The following ROBO1 variants were observed in gnomAD, a reference collection of about 807,000 sequenced individuals.
ROBO1 encodes the protein roundabout homolog 1.
Under a neutral mutation model 195.9 loss-of-function variants are expected in ROBO1, and 149 were observed. That is an observed-to-expected ratio of 0.76 (90% confidence interval 0.67 to 0.87). The LOEUF is 0.87. Among genes scored for constraint, ROBO1 ranks in the 40% least tolerant of loss-of-function variants. The probability of loss-of-function intolerance (pLI) is 0.00; values close to 1 mark genes in which losing one functional copy is unlikely to be tolerated. For synonymous variants in ROBO1, 816 were observed against 733.2 expected, an observed-to-expected ratio of 1.11 and a Z score of -1.82; for missense variants, 1,933 against 2,068.3, an observed-to-expected ratio of 0.93 and a Z score of 1.27.
At chr3:78,895,884 C>G (rs1236757332) in intron 4 of ROBO1, among the ~76,000 whole-genome samples, 1 of 152,190 alleles carries the variant, frequency 6.6e-6, no homozygotes, top group South Asian at 2.1e-4. Flanking sequence ...AATTGGGACT[C>G]TCCTAGAAAA....
chr3:79,594,212 A>T (rs1457966836), intron 1 of ROBO1, among the ~76,000 whole-genome samples: 1 of 152,018 alleles, frequency 6.6e-6, no homozygotes, highest in African/African-American at 2.4e-5. Flanking sequence ...ACACCTTTTG[A>T]CATATTATCA....
chr3:79,666,735 A>G (rs1946486739), intron 1 of ROBO1, among the ~76,000 whole-genome samples: 1 of 151,888 alleles, frequency 6.6e-6, no homozygotes, highest in South Asian at 2.1e-4. Flanking sequence ...CTTTTTCTTT[A>G]TAAATTACCC....
intron 3 of ROBO1, among the ~76,000 whole-genome samples, chr3:79,027,982 A>G (rs1002663123): frequency 6.6e-6 from 1 of 152,028 alleles, no homozygotes; most frequent in African/African-American, 2.4e-5. Context: ...ATTTCTAAAT[A>G]TTACTTTTTA....
intron 2 of ROBO1, among the ~76,000 whole-genome samples, chr3:79,437,292 A>C (rs964840583): frequency 6.6e-6 from 1 of 152,028 alleles, no homozygotes; most frequent in Non-Finnish European, 1.5e-5. Context: ...GTTAATATGA[A>C]TATCAAGCTG....
In ROBO1 at chr3:78,959,595, T is replaced by C. The variant is rs2041232814; in HGVS notation, c.173-20668A>G. Among the ~76,000 whole-genome samples the C allele has an allele frequency of 2.0e-5, 3 of 152,180 alleles. No homozygotes were observed. In the South Asian group the frequency reaches 6.2e-4, roughly 31 times the overall value. The stretch of plus-strand genomic sequence containing the variant: ...ATTGTAGATAGAAGCCCAAAATTTA[T>C]AGCATTTATGGGCCTGTGATATAAG... On this transcript the variant is annotated intron_variant, in intron 3 of 30. Transcript: ENST00000464233.
intron 2 of ROBO1, among the ~76,000 whole-genome samples, chr3:79,394,876 A>G (rs1559868419): frequency 1.3e-5 from 2 of 152,224 alleles, no homozygotes; most frequent in Non-Finnish European, 2.9e-5. Context: ...ATGTTTTGAT[A>G]TACAAATTCT....
At chr3:78,797,646 ATG>A (rs1287025058) in intron 4 of ROBO1, among the ~76,000 whole-genome samples, 1 of 152,156 alleles carries the variant, frequency 6.6e-6, no homozygotes, top group African/African-American at 2.4e-5. Context: ...TTTTTCTTGT[ATG>A]TGTCGGGGAT....
intron 2 of ROBO1, among the ~76,000 whole-genome samples, chr3:79,432,382 G>A (rs1252314544): frequency 6.6e-6 from 1 of 151,994 alleles, no homozygotes; most frequent in Non-Finnish European, 1.5e-5. Flanking sequence ...TTGGTTAAAG[G>A]GGAGGGAATA....
chr3:79,731,757 A>T (rs1703156834), intron 1 of ROBO1, among the ~76,000 whole-genome samples: 1 of 152,228 alleles, frequency 6.6e-6, no homozygotes, highest in African/African-American at 2.4e-5. Flanking sequence ...TAGGAATTCT[A>T]ACCTCTGCCT....
intron 2 of ROBO1, among the ~76,000 whole-genome samples, chr3:79,299,036 T>C (rs1006461666): frequency 5.9e-5 from 9 of 152,162 alleles, no homozygotes; most frequent in African/African-American, 2.2e-4. Flanking sequence ...CAAACAAATA[T>C]AATAAATACA....
intron 2 of ROBO1, among the ~76,000 whole-genome samples, chr3:79,249,235 A>C (rs2108903843): frequency 6.6e-6 from 1 of 152,306 alleles, no homozygotes; most frequent in Admixed American, 6.5e-5. Flanking sequence ...ATTTTGAGAA[A>C]GCCCTTTAAA....
At chr3:79,129,599 A>C (rs1315145982) in intron 2 of ROBO1, among the ~76,000 whole-genome samples, 1 of 152,164 alleles carries the variant, frequency 6.6e-6, no homozygotes, top group Non-Finnish European at 1.5e-5. Flanking sequence ...TAATTCATTA[A>C]ATGTTTGGGT....
At chr3:79,522,830 G>A (rs1035368226) in intron 2 of ROBO1, among the ~76,000 whole-genome samples, 30 of 152,016 alleles carry the variant, frequency 2.0e-4, no homozygotes, top group African/African-American at 7.2e-4. Context: ...TAATTGTAGA[G>A]CACGAACTAT....
At chr3:79,212,842 T>A (rs111821891) in intron 2 of ROBO1, among the ~76,000 whole-genome samples, 1 of 113,760 alleles carries the variant, frequency 8.8e-6, no homozygotes, top group Non-Finnish European at 1.7e-5. Context: ...ATAAAATAAA[T>A]AAAATAAAAT....
At chr3:79,150,363 A>G (rs1400389842) in intron 2 of ROBO1, among the ~76,000 whole-genome samples, 1 of 151,744 alleles carries the variant, frequency 6.6e-6, no homozygotes, top group African/African-American at 2.4e-5. Context: ...TGTGGCACAC[A>G]GTGAATGTGA....
chr3:79,552,969 CAAATGG>C (rs1480450500), intron 2 of ROBO1, among the ~76,000 whole-genome samples: 3 of 151,952 alleles, frequency 2.0e-5, no homozygotes, highest in Non-Finnish European at 4.4e-5. Flanking sequence ...CTCATGTAAA[CAAATGG>C]AAATATAATC....
intron 2 of ROBO1, among the ~76,000 whole-genome samples, chr3:79,503,135 A>G (rs1168635767): frequency 1.3e-5 from 2 of 152,276 alleles, no homozygotes; most frequent in Non-Finnish European, 2.9e-5. Flanking sequence ...CACTGCCATT[A>G]TGAGCTGTAA....
intron 3 of ROBO1, among the ~76,000 whole-genome samples, chr3:79,022,359 A>G (rs186809756): frequency 1.3e-5 from 2 of 152,324 alleles, no homozygotes; most frequent in Admixed American, 6.5e-5. Flanking sequence ...AAGGTGCACA[A>G]AACAGAACAG....
chr3:79,000,270 TG>T (rs2077469151), intron 3 of ROBO1, among the ~76,000 whole-genome samples: 1 of 152,118 alleles, frequency 6.6e-6, no homozygotes, highest in Non-Finnish European at 1.5e-5. Context: ...TTGATGGGGT[TG>T]TTTTTTTCTT....
Sources: allele counts gnomAD v4.1 joint callset (sites outside exome capture counted in the v4.1 genomes callset), GRCh38; gene constraint gnomAD v4.1.1; transcripts MANE v1.5; gene names NCBI Gene and HGNC (gene_info 2026-07-23, HGNC 2026-07-21).